The following SEMA6D variants were observed in gnomAD, a reference collection of about 807,000 sequenced individuals.
SEMA6D encodes the protein semaphorin-6D.
In SEMA6D, 35 loss-of-function variants were observed where a neutral mutation model predicts 106.6. That is an observed-to-expected ratio of 0.33 (90% CI 0.25 to 0.44). The LOEUF (loss-of-function observed/expected upper bound fraction) is 0.44. Ranked by LOEUF, SEMA6D falls within the 20% of genes least tolerant of loss-of-function variation. SEMA6D has a pLI of 1.00. For synonymous variants in SEMA6D, 499 were observed against 487.7 expected, an observed-to-expected ratio of 1.02 and a Z score of -0.31; for missense variants, 1,185 against 1,345.9, an observed-to-expected ratio of 0.88 and a Z score of 1.87.
rs146824515 is a variant in SEMA6D at position 47,567,970 on chromosome 15, A to G, written c.-86-32895A>G. On this transcript the variant is annotated intron_variant, in intron 3 of 19. Coordinates refer to the SEMA6D transcript ENST00000558014. The stretch of plus-strand genomic sequence containing the variant: ...GCCAATAAACATGAAATAAGGTTCT[A>G]TGTCATTAGTAATAGAGAGTTCCTA... Among the ~76,000 whole-genome samples the G allele has an allele frequency of 1.8e-4, 27 of 152,334 alleles. 1 individual carries two copies. The highest frequency in any genetic ancestry group is 6.3e-4 in the African/African-American group (26 of 41,586).
At chr15:47,312,654 G>A (rs947372561) in intron 1 of SEMA6D, among the ~76,000 whole-genome samples, 1 of 152,028 alleles carries the variant, frequency 6.6e-6, no homozygotes, top group African/African-American at 2.4e-5. Context: ...AGGTCATTAC[G>A]TGTGCAATTT....
intron 1 of SEMA6D, among the ~76,000 whole-genome samples, chr15:47,319,731 T>A (rs759658876): frequency 7.9e-5 from 12 of 152,116 alleles, no homozygotes; most frequent in Admixed American, 3.3e-4. Flanking sequence ...TTCAAAATGG[T>A]TCCCTTTCTC....
chr15:47,744,792 A>G (rs1318713598), intron 1 of SEMA6D, among the ~76,000 whole-genome samples: 2 of 152,218 alleles, frequency 1.3e-5, no homozygotes, highest in Non-Finnish European at 1.5e-5. Flanking sequence ...GGCAACGGCA[A>G]TGCTACAACA....
At chr15:47,309,062 T>A (rs2036341466) in intron 1 of SEMA6D, among the ~76,000 whole-genome samples, 1 of 152,172 alleles carries the variant, frequency 6.6e-6, no homozygotes, top group Admixed American at 6.6e-5. Flanking sequence ...AATTAGAAAG[T>A]GCAGATATTC....
chr15:47,461,768 G>A (rs529958985), intron 2 of SEMA6D, among the ~76,000 whole-genome samples: 6 of 152,104 alleles, frequency 3.9e-5, no homozygotes, highest in South Asian at 4.2e-4. Flanking sequence ...AATACAAACC[G>A]ACAGATAGTC....
At chr15:47,491,582 C>G (rs556899987) in intron 3 of SEMA6D, among the ~76,000 whole-genome samples, 1 of 152,056 alleles carries the variant, frequency 6.6e-6, no homozygotes, top group Non-Finnish European at 1.5e-5. Flanking sequence ...TGGCAAGGTG[C>G]TCATTAATGT....
chr15:47,397,207 C>A (rs1205803820), intron 1 of SEMA6D, among the ~76,000 whole-genome samples: 1 of 152,166 alleles, frequency 6.6e-6, no homozygotes, highest in Non-Finnish European at 1.5e-5. Context: ...GTGTAGACAA[C>A]CTGTGGACCT....
intron 1 of SEMA6D, among the ~76,000 whole-genome samples, chr15:47,266,538 A>G (rs2034326696): frequency 6.6e-6 from 1 of 152,102 alleles, no homozygotes. Flanking sequence ...TATAAGCCGT[A>G]ATGAGGGCAG....
At chr15:47,461,151 A>G (rs964038149) in intron 2 of SEMA6D, among the ~76,000 whole-genome samples, 2 of 152,008 alleles carry the variant, frequency 1.3e-5, no homozygotes, top group African/African-American at 4.8e-5. Context: ...CACTGCCTTT[A>G]TTTGATTCTT....
chr15:47,192,526 C>T (rs1200635846), intron 1 of SEMA6D, among the ~76,000 whole-genome samples: 1 of 151,940 alleles, frequency 6.6e-6, no homozygotes, highest in African/African-American at 2.4e-5. Flanking sequence ...AAATTAGAAA[C>T]AATACATCTG....
intron 1 of SEMA6D, among the ~76,000 whole-genome samples, chr15:47,355,056 G>A (rs970064132): frequency 1.3e-5 from 2 of 152,132 alleles, no homozygotes; most frequent in African/African-American, 4.8e-5. Context: ...TCCATCTGGG[G>A]CACCAAACTC....
chr15:47,235,526 C>T (rs1381875987), intron 1 of SEMA6D, among the ~76,000 whole-genome samples: 1 of 151,954 alleles, frequency 6.6e-6, no homozygotes, highest in African/African-American at 2.4e-5. Context: ...CAGTTTCATT[C>T]TTCTACATGT....
intron 1 of SEMA6D, among the ~76,000 whole-genome samples, chr15:47,315,737 C>T (rs555496051): frequency 6.6e-6 from 1 of 152,080 alleles, no homozygotes; most frequent in Non-Finnish European, 1.5e-5. Flanking sequence ...GAATATTTCT[C>T]TATTCATTTA....
chr15:47,590,260 C>T (rs1387210078), intron 3 of SEMA6D, among the ~76,000 whole-genome samples: 1 of 151,894 alleles, frequency 6.6e-6, no homozygotes, highest in Non-Finnish European at 1.5e-5. Context: ...AACCGTCATT[C>T]TCAGAAAACT....
At chr15:47,290,306 A>C (rs1467788583) in intron 1 of SEMA6D, among the ~76,000 whole-genome samples, 1 of 152,150 alleles carries the variant, frequency 6.6e-6, no homozygotes, top group East Asian at 1.9e-4. Context: ...CCTGAAACTA[A>C]AGTAAGAATG....
chr15:47,253,070 C>CT (rs2033609804), intron 1 of SEMA6D, among the ~76,000 whole-genome samples: 1 of 152,088 alleles, frequency 6.6e-6, no homozygotes, highest in Non-Finnish European at 1.5e-5. Flanking sequence ...TATTCCCTGA[C>CT]TTTATGATAA....
At chr15:47,410,299 T>C (rs1375796585) in intron 1 of SEMA6D, among the ~76,000 whole-genome samples, 11 of 152,154 alleles carry the variant, frequency 7.2e-5, no homozygotes, top group Non-Finnish European at 1.6e-4. Flanking sequence ...TTTTTATATG[T>C]GATGGGAAGT....
At chr15:47,446,552 A>G (rs577309498) in intron 2 of SEMA6D, among the ~76,000 whole-genome samples, 2 of 152,302 alleles carry the variant, frequency 1.3e-5, no homozygotes, top group Non-Finnish European at 2.9e-5. Context: ...ATCACTCACT[A>G]TCATAATCCA....
intron 2 of SEMA6D, among the ~76,000 whole-genome samples, chr15:47,462,423 AC>A (rs1299852238): frequency 1.3e-5 from 2 of 151,886 alleles, no homozygotes; most frequent in Non-Finnish European, 2.9e-5. Flanking sequence ...ATCCCAAATG[AC>A]CCATCTCGGC....
Sources: allele counts gnomAD v4.1 joint callset (sites outside exome capture counted in the v4.1 genomes callset), GRCh38; gene constraint gnomAD v4.1.1; transcripts MANE v1.5; gene names NCBI Gene and HGNC (gene_info 2026-07-23, HGNC 2026-07-21).